The following ATP2A1 variants were observed in gnomAD, a reference collection of about 807,000 sequenced individuals.
ATP2A1 encodes sarcoplasmic/endoplasmic reticulum calcium ATPase 1.
A neutral mutation model predicts 109.5 loss-of-function variants in ATP2A1; 83 were observed. That is an observed-to-expected ratio of 0.76 (90% confidence interval 0.63 to 0.91). The LOEUF (loss-of-function observed/expected upper bound fraction) is 0.91. ATP2A1 is among the 40% of genes least tolerant of loss of function. ATP2A1 has a pLI of 0.00. For missense variants in ATP2A1, 1,101 were observed against 1,341.0 expected (o/e 0.82, Z 2.80); for synonymous variants, 505 against 537.6 (o/e 0.94, Z 0.84).
At chr16:28,894,293 C>T in intron 10 of ATP2A1, 50 bp downstream of exon 10, 2 of 1,546,842 alleles carry the variant, frequency 1.3e-6, no homozygotes, top group Non-Finnish European at 1.8e-6. Flanking sequence ...CCTTCCCACA[C>T]CCCCTTTCTC....
At chr16:28,889,606 T>C (rs944526396) in intron 9 of ATP2A1, among the ~76,000 whole-genome samples, 1 of 152,152 alleles carries the variant, frequency 6.6e-6, no homozygotes, top group Non-Finnish European at 1.5e-5. Flanking sequence ...ATTAAATGAC[T>C]TCCCCCAAGA....
intron 9 of ATP2A1, among the ~76,000 whole-genome samples, chr16:28,891,763 C>T (rs923433105): frequency 8.6e-5 from 13 of 150,862 alleles, no homozygotes; most frequent in African/African-American, 3.2e-4. Flanking sequence ...CCTGTAATCC[C>T]AGCTACTTGG....
In ATP2A1 at chr16:28,893,660, T is replaced by G. The variant is rs1162253171; in HGVS notation, c.1096-495T>G. Among the ~76,000 whole-genome samples, 28 of 150,108 alleles carry G rather than the reference T, an allele frequency of 1.9e-4. No homozygotes were observed. The South Asian group carries it at 3.2e-3, about 17-fold the overall frequency. On this transcript the variant is annotated intron_variant, in intron 9 of 22. Coordinates refer to ENST00000395503, the MANE Select transcript of ATP2A1 (RefSeq NM_004320.6). ...TCGTTTGTGGGTTTTTTTTTGTTTT[T>G]TTTTTTTTTTTTGAGTTTGGCTCTT... is the stretch of plus-strand genomic sequence containing the variant.
In ATP2A1 at chr16:28,898,140, T is replaced by C; in HGVS notation, c.1545+15T>C. 1 of 1,614,194 alleles carries C rather than the reference T, an allele frequency of 6.2e-7. No individual in the cohort carries two copies. The highest frequency in any genetic ancestry group is 8.5e-7 in the Non-Finnish European group (1 of 1,180,046). On this transcript the variant is annotated intron_variant, in intron 13 of 22. Transcript: ENST00000395503. The surrounding 1 kb of genome is among the most constrained non-coding windows in gnomAD (Gnocchi z 4.0). ...TGTTTGTCAAGGTCAGAAATCGGAA[T>C]GTGCCTCAGCCCCCTCTTCTTCCTA...
Position 28,902,719 on chromosome 16 carries a change from T to G in ATP2A1, c.2610+54T>G, listed in dbSNP as rs1596687844. On this transcript the variant is annotated intron_variant, in intron 18 of 22. Transcript: ENST00000395503. The surrounding 1 kb of genome is among the most constrained non-coding windows in gnomAD (Gnocchi z 4.8). ...AGGAGGGTGTGGGGATGCAGGAGGGTACCAGGAGGGTGGCATGGAGGTGGC... is the reference window on the plus strand; with the variant it reads ...AGGAGGGTGTGGGGATGCAGGAGGGGACCAGGAGGGTGGCATGGAGGTGGC... The G allele has an allele frequency of 3.1e-6, 5 of 1,613,038 alleles. No homozygotes were observed. Among genetic ancestry groups the G allele is most frequent in the Non-Finnish European group, 4.2e-6 (5 of 1,179,438 alleles).
At position 28,900,765 on chromosome 16, in the gene ATP2A1, A is replaced by C. The variant is rs1964050297; in HGVS notation, c.1949A>C (p.Asp650Ala). 3 of 1,614,162 alleles carry C rather than the reference A, an allele frequency of 1.9e-6. No individual in the cohort carries two copies. The highest frequency in any genetic ancestry group is 2.5e-6 in the Non-Finnish European group (3 of 1,180,020). Residue 650 changes from aspartate to alanine, a missense_variant, in exon 15 of 23, where the codon GAT becomes GCT. Asp to Ala is a moderately radical substitution (Grantham distance 126). Coordinates refer to ENST00000395503, the MANE Select transcript of ATP2A1 (RefSeq NM_004320.6). ...TTTGGGGAGAACGAGGAGGTGGCCGATCGCGCCTACACGGGCCGAGAGTTC... is the reference window on the plus strand; with the variant it reads ...TTTGGGGAGAACGAGGAGGTGGCCGCTCGCGCCTACACGGGCCGAGAGTTC... The part of the protein sequence containing the change: ...GIFGENEEVA[D>A]RAYTGREFDD...
At position 28,903,500 on chromosome 16, in the gene ATP2A1, C is replaced by A. The variant is rs1208240068; in HGVS notation, c.2980+60C>A. 1.4e-6 allele frequency: 2 copies of A among 1,446,326 alleles called. No homozygotes were observed. Among genetic ancestry groups the A allele is most frequent in the Non-Finnish European group, 1.9e-6 (2 of 1,031,574 alleles). 89.6% of individuals were successfully genotyped at this position (1,446,326 alleles called of 1,614,324 possible). A position where few individuals can be genotyped will look rare whatever the true frequency, so the allele number is the denominator to read the frequency against. On this transcript the variant is annotated intron_variant, in intron 21 of 22. Transcript: ENST00000395503. This position sits in a 1 kb window ranked among gnomAD's most constrained non-coding sequence, Gnocchi z 5.6. ...CCACCACAGCCCCTTCCCCATGACG[C>A]CGCCCCCGCCCCGCCCCGTACTTTG...
At chr16:28,879,707 G>A (rs1315782516) in intron 3 of ATP2A1, 124 bp downstream of exon 3, 3 of 1,161,484 alleles carry the variant, frequency 2.6e-6, no homozygotes, top group South Asian at 1.3e-5. Context: ...CAGACGGGGC[G>A]GGCTGGCGCG....
chr16:28,904,124 G>C, intron 22 of ATP2A1, 56 bp from the exon 23 acceptor site: 4 of 1,500,012 alleles, frequency 2.7e-6, no homozygotes, highest in African/African-American at 1.4e-5. Context: ...ATGCACCTGG[G>C]AGGGACCTCG....
Position 28,888,023 on chromosome 16 carries a change from G to C in ATP2A1, c.928+301G>C, listed in dbSNP as rs193048421. ...TCACCGTGTTAGCCAGGATGGTCTCGATCTCCTGACCTCCTGATCTGCCCG... is the reference window on the plus strand; with the variant it reads ...TCACCGTGTTAGCCAGGATGGTCTCCATCTCCTGACCTCCTGATCTGCCCG... On this transcript the variant is annotated intron_variant, in intron 8 of 22. Coordinates refer to ENST00000395503, the MANE Select transcript of ATP2A1 (RefSeq NM_004320.6). 6.6e-5 allele frequency among the ~76,000 whole-genome samples: 10 copies of C among 151,950 alleles called. No homozygotes were observed. In the South Asian group the frequency reaches 1.0e-3, roughly 16 times the overall value.
chr16:28,898,577 A>T lies in ATP2A1; in HGVS notation c.1764+126A>T. 1 of 1,117,936 alleles carries T rather than the reference A, an allele frequency of 8.9e-7. No homozygotes were observed. The highest frequency in any genetic ancestry group is 1.3e-6 in the Non-Finnish European group (1 of 770,446). The allele number at this position is 1,117,936 out of a possible 1,614,324, so 69.3% of individuals were successfully genotyped here. A position where few individuals can be genotyped will look rare whatever the true frequency, so the allele number is the denominator to read the frequency against. On this transcript the variant is annotated intron_variant, in intron 14 of 22. Coordinates refer to ENST00000395503, the MANE Select transcript of ATP2A1 (RefSeq NM_004320.6). The surrounding 1 kb of genome is among the most constrained non-coding windows in gnomAD (Gnocchi z 4.0). ...AGTCAAGTTGATGGCTCCTTAGTAC[A>T]GGCCATGGAATCACAGGACAGTAGA...
In ATP2A1 at chr16:28,902,320, C is replaced by G; in HGVS notation, c.2458C>G (p.Pro820Ala). 1 of 1,614,084 alleles carries G rather than the reference C, an allele frequency of 6.2e-7. No homozygotes were observed. Among genetic ancestry groups the G allele is most frequent in the Non-Finnish European group, 8.5e-7 (1 of 1,179,986 alleles). ...ACCAGACCTGGACATCATGGACCGC[C>G]CCCCCCGGAGCCCCAAGGAGCCCCT... ...NPPDLDIMDR[P>A]PRSPKEPLIS... Residue 820 changes from proline (P) to alanine (A), a missense_variant, in exon 17 of 23, where the codon CCC becomes GCC. Pro to Ala is a conservative substitution (Grantham distance 27). Transcript: ENST00000395503. This position sits in a 1 kb window ranked among gnomAD's most constrained non-coding sequence, Gnocchi z 4.8.
chr16:28,895,077 C>G (rs915144828), intron 12 of ATP2A1, 124 bp downstream of exon 12: 5 of 1,377,998 alleles, frequency 3.6e-6, no homozygotes, highest in Non-Finnish European at 5.0e-6. Context: ...AGGCAGCAGA[C>G]AGCCCCTGCA....
chr16:28,902,100 G>A lies in ATP2A1; in HGVS notation c.2321+17G>A, dbSNP rs1964093343. The A allele has an allele frequency of 6.2e-7, 1 of 1,614,178 alleles. No homozygotes were observed. The highest frequency in any genetic ancestry group is 8.5e-7 in the Non-Finnish European group (1 of 1,179,998). On this transcript the variant is annotated intron_variant, in intron 16 of 22. Coordinates refer to ENST00000395503, the MANE Select transcript of ATP2A1 (RefSeq NM_004320.6). This position sits in a 1 kb window ranked among gnomAD's most constrained non-coding sequence, Gnocchi z 4.8. ...GGTGGTCTGGTGAGCAGCTGGGTGG[G>A]CGTCCAGGAGGAAGCCGGGGTTAGG...
chr16:28,884,092 C>G (rs778756290), intron 5 of ATP2A1, among the ~76,000 whole-genome samples: 13 of 152,134 alleles, frequency 8.5e-5, no homozygotes, highest in Non-Finnish European at 1.8e-4. Context: ...CACCCCGACA[C>G]CCCTTCTCTC....
chr16:28,879,336 C>A (rs1963381032), intron 2 of ATP2A1, 165 bp from the exon 3 acceptor site: 2 of 853,504 alleles, frequency 2.3e-6, no homozygotes, highest in Non-Finnish European at 3.9e-6. Flanking sequence ...TTTGCCGAGT[C>A]TGTTTCTGGA....
rs1466032609 is a variant in ATP2A1, at chr16:28,882,536, T to C, written c.410T>C (p.Val137Ala). The C allele has an allele frequency of 6.2e-7, 1 of 1,614,022 alleles. No individual in the cohort carries two copies. The highest frequency in any genetic ancestry group is 1.3e-5 in the African/African-American group (1 of 74,900). The change falls in exon 5 of 23, where the codon GTG becomes GCG. Residue 137 changes from valine (V) to alanine (A), a missense_variant. Val to Ala is a moderately conservative substitution (Grantham distance 64, BLOSUM62 0). Coordinates refer to ENST00000395503, the MANE Select transcript of ATP2A1 (RefSeq NM_004320.6). ...GKVYRADRKSVQRIKARDIVP... is the reference protein window; with the variant it reads ...GKVYRADRKSAQRIKARDIVP... ...GTCTACCGGGCTGACCGCAAGTCAG[T>C]GCAAAGGATCAAGGCTCGGGACATC...
At chr16:28,878,933 T>TA (rs1305808381) in intron 1 of ATP2A1, 144 bp downstream of exon 1, 1 of 1,331,612 alleles carries the variant, frequency 7.5e-7, no homozygotes, top group East Asian at 2.3e-5. Flanking sequence ...GGGAAGAAGA[T>TA]ACTGAGAAAA....
At position 28,903,452 on chromosome 16, in the gene ATP2A1, CCT is replaced by C. The variant is rs757352285; in HGVS notation, c.2980+17_2980+18del. 1.7e-5 allele frequency: 27 copies of C among 1,604,786 alleles called. No homozygotes were observed. In the Admixed American group the frequency reaches 4.2e-4, roughly 25 times the overall value. Reference sequence around the variant, plus strand: ...GAACTACCTAGAGGGTAAGGAGTGCCCTCTCTGTCCCAAGCCCTGGCCCCACC... The same window carrying C: ...GAACTACCTAGAGGGTAAGGAGTGCCCTCTGTCCCAAGCCCTGGCCCCACC... On this transcript the variant is annotated intron_variant, in intron 21 of 22. Transcript: ENST00000395503. This position sits in a 1 kb window ranked among gnomAD's most constrained non-coding sequence, Gnocchi z 5.6.
Sources: gnomAD v4.1 joint callset for allele counts (sites outside exome capture counted in the v4.1 genomes callset) on GRCh38, gnomAD v4.1.1 for gene constraint, Gnocchi (gnomAD v3.1) non-coding constraint, MANE v1.5 for transcripts, NCBI Gene and HGNC (gene_info 2026-07-23, HGNC 2026-07-21) for gene names.